NARF: variants seen among roughly 807,000 people sequenced by gnomAD.
NARF encodes nuclear prelamin A recognition factor.
A neutral mutation model predicts 48.0 loss-of-function variants in NARF; 41 were observed. That is an observed-to-expected ratio of 0.85 (90% CI 0.66 to 1.11). The LOEUF (loss-of-function observed/expected upper bound fraction) is 1.11. Ranked by LOEUF, NARF falls within the 50% of genes least tolerant of loss-of-function variation. NARF has a pLI of 0.00. For synonymous variants in NARF, 215 were observed against 225.5 expected (o/e 0.95, Z 0.42); for missense variants, 613 against 590.2 (o/e 1.04, Z -0.40).
chr17:82,462,759 G>C (rs1016871196), intron 2 of NARF: 7 of 152,668 alleles, frequency 4.6e-5, no homozygotes, highest in African/African-American at 1.4e-4. Flanking sequence ...AATGTGAGGG[G>C]TGAGGAGGGA....
In NARF at chr17:82,479,009, C is replaced by T. The variant is rs902875243; in HGVS notation, c.639+91C>T. The T allele has an allele frequency of 1.5e-5, 19 of 1,248,370 alleles. No homozygotes were observed. The African/African-American group carries it at 1.8e-4, about 12-fold the overall frequency. The allele number at this position is 1,248,370 out of a possible 1,614,324, so 77.3% of individuals were successfully genotyped here. On this transcript the variant is annotated intron_variant, in intron 6 of 10. Coordinates refer to ENST00000309794, the MANE Select transcript of NARF (RefSeq NM_012336.4). ...AAGGGGAGGTTCCCCATCTGTCCAG[C>T]GTGGTCACGGCCCCCCAGGTGAGCA... is the stretch of plus-strand genomic sequence containing the variant.
At position 82,464,358 on chromosome 17, in the gene NARF, G is replaced by A; in HGVS notation, c.180G>A (p.Met60Ile). Residue 60 changes from methionine to isoleucine, a missense_variant, in exon 3 of 11, where the codon ATG becomes ATA. Met to Ile is a conservative substitution (Grantham distance 10). Coordinates refer to ENST00000309794, the MANE Select transcript of NARF (RefSeq NM_012336.4). ...ACTGCCTGGCATGTGACAGCTGTAT[G>A]ACTGCAGAGGAAGGAGTCCAACTTT... Reference protein sequence around the residue: ...LSDCLACDSCMTAEEGVQLSQ... With the variant: ...LSDCLACDSCITAEEGVQLSQ... 1 of 1,614,124 alleles carries A rather than the reference G, an allele frequency of 6.2e-7. No individual in the cohort carries two copies. The highest frequency in any genetic ancestry group is 8.5e-7 in the Non-Finnish European group (1 of 1,179,978).
chr17:82,458,494 G>A (rs2043339581), upstream of NARF: 4 of 351,216 alleles, frequency 1.1e-5, no homozygotes, highest in African/African-American at 2.1e-5. Context: ...GCAAGGACCC[G>A]GTCCCCCCGG....
intron 3 of NARF, among the ~76,000 whole-genome samples, chr17:82,465,893 T>C (rs760764468): frequency 6.6e-6 from 1 of 152,184 alleles, no homozygotes; most frequent in East Asian, 1.9e-4. Flanking sequence ...TAGAGACACA[T>C]GTCCTCTGTG....
At chr17:82,470,556 G>A (rs1311385457) in intron 4 of NARF, among the ~76,000 whole-genome samples, 10 of 152,074 alleles carry the variant, frequency 6.6e-5, no homozygotes, top group East Asian at 3.9e-4. Flanking sequence ...GTGCAGTGGC[G>A]CCATCTCGGC....
intron 4 of NARF, among the ~76,000 whole-genome samples, chr17:82,470,061 A>G (rs1008648554): frequency 2.0e-5 from 3 of 152,196 alleles, no homozygotes; most frequent in African/African-American, 7.2e-5. Flanking sequence ...ACAAGATCCT[A>G]TCTCTGCTAA....
chr17:82,474,974 T>C (rs1214208841), intron 5 of NARF, among the ~76,000 whole-genome samples: 1 of 152,176 alleles, frequency 6.6e-6, no homozygotes, highest in Admixed American at 6.5e-5. Context: ...AGATACAGCC[T>C]TTTACTAGAT....
At chr17:82,468,600 T>A in intron 3 of NARF, 164 bp from the exon 4 acceptor site, 5 of 676,780 alleles carry the variant, frequency 7.4e-6, no homozygotes, top group South Asian at 2.3e-5. Flanking sequence ...ATAATCCTGA[T>A]TTTTTTTCTC....
intron 6 of NARF, 166 bp from the exon 7 acceptor site, chr17:82,480,916 G>C: frequency 5.8e-6 from 5 of 868,782 alleles, no homozygotes; most frequent in Non-Finnish European, 8.6e-6. Flanking sequence ...TGGTGACAGA[G>C]CAAGACTCCA....
chr17:82,460,778 A>G (rs1362379064), intron 2 of NARF: 1 of 152,312 alleles, frequency 6.6e-6, no homozygotes, highest in African/African-American at 2.4e-5. Context: ...ACTGAAATAA[A>G]CTTGAAGGGG....
intron 5 of NARF, among the ~76,000 whole-genome samples, chr17:82,475,111 G>A (rs2043804102): frequency 6.6e-6 from 1 of 152,152 alleles, no homozygotes. Flanking sequence ...TGGTGTTTGT[G>A]TGCTGAGCCT....
At chr17:82,464,042 C>A (rs774530329) in intron 2 of NARF, 2 of 462,008 alleles carry the variant, frequency 4.3e-6, no homozygotes, top group Non-Finnish European at 7.6e-6. Context: ...CTGGGTTCCA[C>A]CCTTGTCATC....
chr17:82,484,482 A>G (rs1433946772), intron 8 of NARF: 6 of 200,924 alleles, frequency 3.0e-5, no homozygotes, highest in Non-Finnish European at 6.0e-5. Flanking sequence ...GTAGTGAGCT[A>G]TGATTGTGCC....
chr17:82,458,735 AGTG>A, upstream of NARF: 1 of 1,457,154 alleles, frequency 6.9e-7, no homozygotes, highest in Non-Finnish European at 9.0e-7. Context: ...GGCGGCGGGC[AGTG>A]GTGTCCCAGT....
In NARF at chr17:82,472,598, G is replaced by C. The variant is rs769508355; in HGVS notation, c.420G>C (p.Ala140=). 1 of 1,613,494 alleles carries C rather than the reference G, an allele frequency of 6.2e-7. No homozygotes were observed. Among genetic ancestry groups the C allele is most frequent in the East Asian group, 2.2e-5 (1 of 44,786 alleles). The change falls in exon 5 of 11, where the codon GCG becomes GCC. Residue 140 remains alanine (A), a synonymous_variant. Coordinates refer to ENST00000309794, the MANE Select transcript of NARF (RefSeq NM_012336.4). The stretch of plus-strand genomic sequence containing the variant: ...ATGTATTTGATACGACGATAGCTGC[G>C]GATTTTAGTATCCTGGAGAGTCAAA... The part of the protein sequence containing the change: ...VHYVFDTTIA[A]DFSILESQKE...
Position 82,481,171 on chromosome 17 carries a change from T to C in NARF, c.729T>C (p.Ala243=). Residue 243 remains alanine (A), a synonymous_variant, in exon 7 of 11, where the codon GCT becomes GCC. Coordinates refer to ENST00000309794, the MANE Select transcript of NARF (RefSeq NM_012336.4). ...LEALQESLPP[A]LHGSRGADCV... ...CTCTTCAGGAAAGCCTTCCCCCTGC[T>C]TTGCATGGCTCCCGGGGCGCTGACT... is the stretch of plus-strand genomic sequence containing the variant. 6.2e-7 allele frequency: 1 copy of C among 1,614,092 alleles called. No individual in the cohort carries two copies. The highest frequency in any genetic ancestry group is 1.1e-5 in the South Asian group (1 of 91,082).
chr17:82,485,813 G>A (rs2044083950), intron 10 of NARF, among the ~76,000 whole-genome samples, 159 bp downstream of exon 10: 1 of 152,206 alleles, frequency 6.6e-6, no homozygotes, highest in Non-Finnish European at 1.5e-5. Flanking sequence ...CTTGTGCTGG[G>A]ACATTCTAGG....
At chr17:82,481,687 G>A (rs2143941372) in intron 7 of NARF, 3 of 394,664 alleles carry the variant, frequency 7.6e-6, no homozygotes, top group Middle Eastern at 4.3e-4. Flanking sequence ...CCGAGATCGC[G>A]CCATTACCCT....
Position 82,485,589 on chromosome 17 carries a change from TGA to T in NARF, c.1065_1066del (p.Met355IlefsTer5), listed in dbSNP as rs1567947366. 6.2e-7 allele frequency: 1 copy of T among 1,614,214 alleles called. No individual in the cohort carries two copies. Among genetic ancestry groups the T allele is most frequent in the Non-Finnish European group, 8.5e-7 (1 of 1,180,040 alleles). ...TATGGCTTTCGAAACATCCAGAACA[TGA>T]TCCTGAAGCTTAAGAAGGGCAAGTT... On this transcript the variant is annotated frameshift_variant, in exon 10 of 11. Coordinates refer to ENST00000309794, the MANE Select transcript of NARF (RefSeq NM_012336.4). LOFTEE classifies it high-confidence loss of function.
Sources: gnomAD v4.1 joint callset for allele counts (sites outside exome capture counted in the v4.1 genomes callset) on GRCh38, gnomAD v4.1.1 for gene constraint, MANE v1.5 for transcripts, NCBI Gene and HGNC (gene_info 2026-07-23, HGNC 2026-07-21) for gene names.